Variants in MYO10 observed in about 807,000 individuals in gnomAD.
MYO10 encodes myosin X.
In MYO10, 133 loss-of-function variants were observed where a neutral mutation model predicts 257.3. The ratio of observed to expected loss-of-function variants is 0.52; its 90% CI spans 0.45 to 0.60. The LOEUF (loss-of-function observed/expected upper bound fraction) is 0.60, where lower values mean the gene tolerates loss of function less well. Ranked by LOEUF, MYO10 falls within the 20% of genes least tolerant of loss-of-function variation. The pLI is 0.00. For synonymous variants in MYO10, 1,104 were observed against 1,028.6 expected, an observed-to-expected ratio of 1.07 and a Z score of -1.40; for missense variants, 2,399 against 2,635.7, an observed-to-expected ratio of 0.91 and a Z score of 1.97.
intron 1 of MYO10, chr5:16,902,714 C>T (rs563387193): frequency 8.0e-5 from 65 of 810,524 alleles, no homozygotes; most frequent in Admixed American, 1.9e-5. Flanking sequence ...TTCAGTCAAG[C>T]TTGTCTCAAA....
At chr5:16,756,495 T>G (rs1018268819) in intron 18 of MYO10, among the ~76,000 whole-genome samples, 3 of 152,244 alleles carry the variant, frequency 2.0e-5, no homozygotes, top group Non-Finnish European at 4.4e-5. Context: ...TTTTTTCTTC[T>G]CATAATCTTG....
chr5:16,770,258 A>C (rs1412890430), intron 9 of MYO10, among the ~76,000 whole-genome samples: 1 of 152,188 alleles, frequency 6.6e-6, no homozygotes, highest in Non-Finnish European at 1.5e-5. Flanking sequence ...GAAAAAAATT[A>C]AATAAATGCT....
chr5:16,901,942 C>T (rs62371018), intron 1 of MYO10, among the ~76,000 whole-genome samples: 8,029 of 152,294 alleles, frequency 0.053, 318 homozygotes, highest in Non-Finnish European at 0.081. Flanking sequence ...AAGCTGTTTG[C>T]TTTTTCAGCC....
At chr5:16,781,668 T>C in intron 6 of MYO10, 37 bp downstream of exon 6, 1 of 1,580,620 alleles carries the variant, frequency 6.3e-7, no homozygotes, top group Non-Finnish European at 8.6e-7. Flanking sequence ...ACTTAGAGAA[T>C]CAATTACTAT....
At chr5:16,895,802 A>ACT (rs1199210885) in intron 1 of MYO10, among the ~76,000 whole-genome samples, 32 of 126,404 alleles carry the variant, frequency 2.5e-4, no homozygotes, top group Non-Finnish European at 5.2e-4. Flanking sequence ...ACACACACAC[A>ACT]CTCTGCCACC....
chr5:16,662,053 C>T lies in MYO10; in HGVS notation c.*4639G>A, dbSNP rs1206922405. On this transcript the variant is annotated 3_prime_UTR_variant, in exon 41 of 41. Coordinates refer to ENST00000513610, the MANE Select transcript of MYO10 (RefSeq NM_012334.3). The stretch of plus-strand genomic sequence containing the variant: ...TGAATCCAGGTCCGATATTTTCCAG[C>T]AATCGTGATGCTTCTCTGATCAACT... 1.3e-5 allele frequency: 2 copies of T among 152,214 alleles called. No homozygotes were observed. The allele number at this position is 152,214 out of a possible 1,614,324, so 9.4% of individuals were successfully genotyped here. A position where few individuals can be genotyped will look rare whatever the true frequency, so the allele number is the denominator to read the frequency against.
At chr5:16,837,315 G>GAA (rs201720772) in intron 2 of MYO10, among the ~76,000 whole-genome samples, 1 of 149,572 alleles carries the variant, frequency 6.7e-6, no homozygotes, top group African/African-American at 2.5e-5. Context: ...CGTCTCAAAA[G>GAA]AAAAAAAAAC....
intron 1 of MYO10, among the ~76,000 whole-genome samples, chr5:16,889,478 A>AGAAGGAAGGAAGGAAGGAAG (rs151266743): frequency 1.7e-4 from 22 of 132,000 alleles, no homozygotes; most frequent in South Asian, 1.1e-3. Flanking sequence ...AAGAAAAGAA[A>AGAAGGAAGGAAGGAAGGAAG]GAAGGAAGGA....
chr5:16,707,587 A>G (rs979504405), intron 21 of MYO10, among the ~76,000 whole-genome samples: 1 of 152,216 alleles, frequency 6.6e-6, no homozygotes, highest in African/African-American at 2.4e-5. Flanking sequence ...AGAACTGAGG[A>G]AGAAAAGTCT....
At chr5:16,746,968 C>T (rs964107815) in intron 19 of MYO10, among the ~76,000 whole-genome samples, 1 of 152,206 alleles carries the variant, frequency 6.6e-6, no homozygotes, top group Non-Finnish European at 1.5e-5. Context: ...TGTCATGTGG[C>T]AGACCCTCAC....
At chr5:16,713,545 A>C in intron 19 of MYO10, 9 of 857,752 alleles carry the variant, frequency 1.0e-5, no homozygotes, top group Non-Finnish European at 1.1e-5. Context: ...GATTTGACAC[A>C]GCCAGGGGAG....
intron 19 of MYO10, among the ~76,000 whole-genome samples, chr5:16,750,476 G>A (rs552910544): frequency 7.3e-4 from 111 of 152,038 alleles, no homozygotes; most frequent in African/African-American, 2.6e-3. Context: ...CCCCAGATGC[G>A]CGTTCTGGGG....
intron 21 of MYO10, among the ~76,000 whole-genome samples, chr5:16,705,747 TAA>T (rs148595180): frequency 0.022 from 3,286 of 152,236 alleles, 118 homozygotes; most frequent in African/African-American, 0.075. Context: ...AAAAAGCAAA[TAA>T]AGAGTCCTAC....
chr5:16,911,526 GT>G, intron 1 of MYO10, among the ~76,000 whole-genome samples: 1 of 152,304 alleles, frequency 6.6e-6, no homozygotes, highest in South Asian at 2.1e-4. Context: ...GAGCTCAGGA[GT>G]TCAAGACTAG....
intron 1 of MYO10, among the ~76,000 whole-genome samples, chr5:16,892,550 A>G (rs1203069778): frequency 6.6e-6 from 1 of 152,148 alleles, no homozygotes; most frequent in African/African-American, 2.4e-5. Context: ...GGTTGAGGTG[A>G]GAGAGTCTCC....
Position 16,769,158 on chromosome 5 carries a change from C to T in MYO10, c.976G>A (p.Val326Met), listed in dbSNP as rs188163012. The change falls in exon 10 of 41, where the codon GTG becomes ATG. Residue 326 changes from valine to methionine, a missense_variant. Physicochemically the swap from Val to Met is conservative, Grantham distance 21. This residue lies in a region of MYO10 where 337 missense variants were observed against 446.8 expected (regional missense o/e 0.75). Coordinates refer to ENST00000513610, the MANE Select transcript of MYO10 (RefSeq NM_012334.3). ...AGTATACCAGCAAGCAGCCTCGACA[C>T]TTCCCGAACTTCCTCCTTGCTGAAC... ...MQFSKEEVRE[V>M]SRLLAGILHL... 6.8e-6 allele frequency: 11 copies of T among 1,612,700 alleles called. No individual in the cohort carries two copies. The East Asian group carries it at 1.6e-4, about 23-fold the overall frequency.
chr5:16,861,684 C>T (rs914147457), intron 2 of MYO10, among the ~76,000 whole-genome samples: 3 of 152,036 alleles, frequency 2.0e-5, no homozygotes, highest in Admixed American at 6.6e-5. Context: ...TGCAAGAAAG[C>T]GGAGGACAGG....
chr5:16,667,638 A>G lies in MYO10; in HGVS notation c.6075+639T>C, dbSNP rs138953387. On this transcript the variant is annotated intron_variant, in intron 40 of 40. Coordinates refer to ENST00000513610, the MANE Select transcript of MYO10 (RefSeq NM_012334.3). ...ATCAGCCTAGGGAACCTACAATGCC[A>G]CATCCTCCAAGCAGCTGGAACGCCC... Among the ~76,000 whole-genome samples the G allele has an allele frequency of 3.1e-3, 465 of 151,886 alleles. 3 individuals carry two copies. The highest frequency in any genetic ancestry group is 9.8e-3 in the African/African-American group (407 of 41,518).
intron 19 of MYO10, among the ~76,000 whole-genome samples, chr5:16,713,105 C>G (rs1561202940): frequency 6.6e-6 from 1 of 152,152 alleles, no homozygotes; most frequent in Non-Finnish European, 1.5e-5. Flanking sequence ...TAAATTTATA[C>G]TACCAGAGAA....
Sources: allele counts gnomAD v4.1 joint callset (sites outside exome capture counted in the v4.1 genomes callset), GRCh38; gene constraint gnomAD v4.1.1; regional missense constraint gnomAD v4.1.1; transcripts MANE v1.5; gene names NCBI Gene and HGNC (gene_info 2026-07-23, HGNC 2026-07-21).